The following CPEB1 variants were observed in gnomAD, a reference collection of about 807,000 sequenced individuals.
The protein encoded by CPEB1 is cytoplasmic polyadenylation element-binding protein 1.
In CPEB1, 7 loss-of-function variants were observed where a neutral mutation model predicts 65.8. That is an observed-to-expected ratio of 0.11 (90% CI 0.06 to 0.20). The LOEUF (loss-of-function observed/expected upper bound fraction) is 0.20. Ranked by LOEUF, CPEB1 falls within the 10% of genes least tolerant of loss-of-function variation. The probability of loss-of-function intolerance (pLI) is 1.00; values close to 1 mark genes in which losing one functional copy is unlikely to be tolerated. For synonymous variants in CPEB1, 262 were observed against 260.0 expected (o/e 1.01, Z -0.08); for missense variants, 551 against 712.2 (o/e 0.77, Z 2.58).
In CPEB1 at chr15:82,553,942, G is replaced by C; in HGVS notation, c.990C>G (p.Asn330Lys). The C allele has an allele frequency of 6.2e-7, 1 of 1,612,092 alleles. No individual in the cohort carries two copies. The highest frequency in any genetic ancestry group is 8.5e-7 in the Non-Finnish European group (1 of 1,179,332). The stretch of plus-strand genomic sequence containing the variant: ...TGCAAGAGTAGATGGGGTTCTTATA[G>C]TTCCGGGGAGGAAGCTGGCCACTCC... Reference protein sequence around the residue: ...CTWSGQLPPRNYKNPIYSCKV... With the variant: ...CTWSGQLPPRKYKNPIYSCKV... The change falls in exon 7 of 13, where the codon AAC (asparagine) becomes AAG (lysine). Residue 330 changes from asparagine to lysine, a missense_variant. Asn to Lys is a moderately conservative substitution (Grantham distance 94, BLOSUM62 0). Around this residue, in one of 6 missense-constraint regions of CPEB1, gnomAD observed 99 missense variants for 161.3 expected, o/e 0.61. Coordinates refer to ENST00000684509, the MANE Select transcript of CPEB1 (RefSeq NM_001365242.1).
intron 4 of CPEB1, among the ~76,000 whole-genome samples, chr15:82,559,944 C>A (rs944433279): frequency 7.2e-5 from 11 of 152,026 alleles, no homozygotes; most frequent in African/African-American, 2.2e-4. Flanking sequence ...ATTAGCCAGG[C>A]GTGAAAGTGC....
chr15:82,610,835 G>C (rs999689175), intron 3 of CPEB1, among the ~76,000 whole-genome samples: 5 of 151,200 alleles, frequency 3.3e-5, no homozygotes, highest in African/African-American at 9.7e-5. Flanking sequence ...GCGCACACCT[G>C]TAATCCCAGC....
chr15:82,626,251 T>C (rs537732008), intron 3 of CPEB1, among the ~76,000 whole-genome samples: 91 of 150,770 alleles, frequency 6.0e-4, no homozygotes, highest in African/African-American at 2.1e-3. Context: ...CTGGCCAACA[T>C]GGTGAAACCC....
intron 4 of CPEB1, among the ~76,000 whole-genome samples, chr15:82,567,046 AT>A: frequency 6.6e-6 from 1 of 152,288 alleles, no homozygotes; most frequent in Non-Finnish European, 1.5e-5. Flanking sequence ...AAAAATATGT[AT>A]TAGACAGCCA....
Position 82,556,083 on chromosome 15 carries a change from G to C in CPEB1, c.727C>G (p.Leu243Val). 6.2e-7 allele frequency: 1 copy of C among 1,610,214 alleles called. No homozygotes were observed. Residue 243 changes from leucine (L) to valine (V), a missense_variant, in exon 6 of 13, where the codon CTG (leucine) becomes GTG (valine). Leu to Val is a conservative substitution (Grantham distance 32). Around this residue, in one of 6 missense-constraint regions of CPEB1, gnomAD observed 128 missense variants for 129.1 expected, o/e 0.99. Coordinates refer to ENST00000684509, the MANE Select transcript of CPEB1 (RefSeq NM_001365242.1). The stretch of plus-strand genomic sequence containing the variant: ...GGGTCTCTGGGACCACCCCCTGACA[G>C]AGACAGGAAGGGCAGAGGTGGAGAA... ...RISPPLPFLS[L>V]SGGGPRDPLK...
chr15:82,576,735 A>G (rs1000807272), intron 3 of CPEB1, among the ~76,000 whole-genome samples: 1 of 152,096 alleles, frequency 6.6e-6, no homozygotes, highest in Admixed American at 6.6e-5. Context: ...ATAAAAACTG[A>G]CTCCAGGCTG....
chr15:82,598,869 A>G (rs903385663), intron 3 of CPEB1, among the ~76,000 whole-genome samples: 2 of 152,202 alleles, frequency 1.3e-5, no homozygotes, highest in African/African-American at 4.8e-5. Context: ...CAGAAAACCA[A>G]GAGATTCAAT....
chr15:82,585,549 G>C (rs1286649277), intron 3 of CPEB1, among the ~76,000 whole-genome samples: 3 of 152,158 alleles, frequency 2.0e-5, no homozygotes, highest in African/African-American at 7.2e-5. Context: ...CCATGGAGAA[G>C]ACAGGCATTA....
chr15:82,637,870 T>C (rs1038119707), intron 1 of CPEB1: 1 of 373,742 alleles, frequency 2.7e-6, no homozygotes. Context: ...TTTGTGTAAG[T>C]AGGTCATATG....
intron 3 of CPEB1, among the ~76,000 whole-genome samples, chr15:82,619,683 G>C (rs1316605771): frequency 6.6e-6 from 1 of 152,086 alleles, no homozygotes; most frequent in Non-Finnish European, 1.5e-5. Context: ...ACATGAAAAT[G>C]TGCTCAACTT....
intron 9 of CPEB1, among the ~76,000 whole-genome samples, chr15:82,552,268 A>C (rs972523040): frequency 2.6e-5 from 4 of 151,236 alleles, no homozygotes; most frequent in African/African-American, 9.7e-5. Flanking sequence ...GCATGTGTGC[A>C]TGCACACACC....
chr15:82,642,398 A>T (rs902592902), intron 1 of CPEB1, among the ~76,000 whole-genome samples: 2 of 152,194 alleles, frequency 1.3e-5, no homozygotes, highest in East Asian at 3.9e-4. Flanking sequence ...AATTTTTTAA[A>T]AAGTAGCCAA....
chr15:82,596,281 TGA>T (rs2042656843), intron 3 of CPEB1, among the ~76,000 whole-genome samples: 1 of 152,228 alleles, frequency 6.6e-6, no homozygotes, highest in Non-Finnish European at 1.5e-5. Context: ...CATAATATTC[TGA>T]CCGAATTCAC....
intron 4 of CPEB1, among the ~76,000 whole-genome samples, chr15:82,564,786 G>C (rs185129609): frequency 1.9e-4 from 29 of 152,210 alleles, no homozygotes; most frequent in Admixed American, 1.0e-3. Flanking sequence ...TCTGCTTGAG[G>C]AGGGGCAGGG....
At chr15:82,556,919 G>C (rs997413771) in intron 5 of CPEB1, among the ~76,000 whole-genome samples, 45 of 152,214 alleles carry the variant, frequency 3.0e-4, no homozygotes, top group African/African-American at 1.1e-3. Context: ...AAAGTTGCCA[G>C]TCCTGGGTAT....
chr15:82,599,752 A>C (rs574414895), intron 3 of CPEB1, among the ~76,000 whole-genome samples: 93 of 152,314 alleles, frequency 6.1e-4, no homozygotes, highest in African/African-American at 2.1e-3. Flanking sequence ...GGGACCCCCC[A>C]GAGTACCTAC....
chr15:82,613,446 G>A (rs553791963), intron 3 of CPEB1, among the ~76,000 whole-genome samples: 9 of 151,692 alleles, frequency 5.9e-5, no homozygotes, highest in Non-Finnish European at 1.3e-4. Context: ...GGAGTGCAGC[G>A]GCACGATCTT....
chr15:82,588,689 C>T (rs1316724018), intron 3 of CPEB1, among the ~76,000 whole-genome samples: 4 of 152,172 alleles, frequency 2.6e-5, no homozygotes, highest in African/African-American at 9.6e-5. Flanking sequence ...TAAATGCATA[C>T]ACCTTACAAT....
At chr15:82,559,503 TG>T (rs1258433342) in intron 4 of CPEB1, among the ~76,000 whole-genome samples, 2 of 152,348 alleles carry the variant, frequency 1.3e-5, no homozygotes, top group Admixed American at 1.3e-4. Context: ...CCGGCAGTGA[TG>T]AGAGTTTCAG....
Sources: gnomAD v4.1 joint callset for allele counts (sites outside exome capture counted in the v4.1 genomes callset) on GRCh38, gnomAD v4.1.1 for gene constraint, gnomAD v4.1.1 regional missense constraint, MANE v1.5 for transcripts, NCBI Gene and HGNC (gene_info 2026-07-23, HGNC 2026-07-21) for gene names.